Variants in PKHD1 observed in about 807,000 individuals in gnomAD.
PKHD1 encodes fibrocystin.
PKHD1 carries 291 observed loss-of-function variants against 412.0 expected under a neutral mutation model. That is an observed-to-expected ratio of 0.71 (90% CI 0.64 to 0.78). The LOEUF is 0.78. PKHD1 is among the 30% of genes least tolerant of loss of function. The pLI is 0.00. For missense variants in PKHD1, 4,825 were observed against 4,950.7 expected (o/e 0.97, Z 0.76); for synonymous variants, 1,777 against 1,821.5 (o/e 0.98, Z 0.62).
At chr6:51,692,261 T>TCACACACACACACA (rs3061680) in intron 60 of PKHD1, among the ~76,000 whole-genome samples, 2,386 of 147,486 alleles carry the variant, frequency 0.016, 30 homozygotes, top group Middle Eastern at 0.031. Flanking sequence ...ATCACATAAT[T>TCACACACACACACA]CACACACACA....
rs556890589 is a variant in PKHD1, at chr6:51,757,917, G to A, written c.8643-2979C>T. Among the ~76,000 whole-genome samples, 94 of 151,862 alleles carry A rather than the reference G, an allele frequency of 6.2e-4. 1 individual carries two copies. In the South Asian group the frequency reaches 0.019, roughly 31 times the overall value. ...TCCCAGCTACTTGGGAGGCTGAGGT[G>A]GGAGGATGGCTTAGGCCCCTGAGGT... On this transcript the variant is annotated intron_variant, in intron 55 of 66. Transcript: ENST00000371117.
chr6:51,802,549 C>T (rs1343349961), intron 52 of PKHD1, among the ~76,000 whole-genome samples: 1 of 151,470 alleles, frequency 6.6e-6, no homozygotes, highest in African/African-American at 2.4e-5. Context: ...CCAAACTAAG[C>T]GCCAAACTTA....
rs35774390 is a variant in PKHD1, at chr6:51,796,817, A to ATTTTT, written c.8303-5449_8303-5445dup. On this transcript the variant is annotated intron_variant, in intron 52 of 66. Coordinates refer to ENST00000371117, the MANE Select transcript of PKHD1 (RefSeq NM_138694.4). ...CATGGTGTTGTGTGGTTTTGAATAGATTTTTTTTTTTTTTTGGAGACAGAG... is the reference window on the plus strand; with the variant it reads ...CATGGTGTTGTGTGGTTTTGAATAGATTTTTTTTTTTTTTTTTTTTGGAGACAGAG... Among the ~76,000 whole-genome samples the ATTTTT allele has an allele frequency of 1.2e-3, 168 of 136,856 alleles. 1 individual carries two copies. Among genetic ancestry groups the ATTTTT allele is most frequent in the African/African-American group, 4.5e-3 (164 of 36,422 alleles). 89.8% of individuals were successfully genotyped at this position (136,856 alleles called of 152,430 possible).
chr6:51,651,851 C>T (rs1771030128), intron 61 of PKHD1, among the ~76,000 whole-genome samples: 2 of 152,126 alleles, frequency 1.3e-5, no homozygotes, highest in Admixed American at 6.6e-5. Flanking sequence ...ATTCCAGTGT[C>T]CGTTGCTGTG....
chr6:52,057,072 A>T (rs993560549), intron 16 of PKHD1, 93 bp from the exon 17 acceptor site: 1 of 819,662 alleles, frequency 1.2e-6, no homozygotes, highest in East Asian at 2.6e-5. Context: ...TCAACTTGCT[A>T]TTTCCTTTTT....
chr6:52,043,502 C>T, intron 26 of PKHD1, 123 bp downstream of exon 26: 1 of 751,226 alleles, frequency 1.3e-6, no homozygotes, highest in Non-Finnish European at 2.4e-6. Context: ...TGCTACGTCA[C>T]TCAACCTCTG....
At chr6:51,712,154 C>T (rs1040760011) in intron 60 of PKHD1, among the ~76,000 whole-genome samples, 5 of 152,212 alleles carry the variant, frequency 3.3e-5, no homozygotes, top group Admixed American at 6.5e-5. Flanking sequence ...CCTTTCCTTG[C>T]AACATCTGCT....
At chr6:52,083,110 A>G in intron 3 of PKHD1, 68 bp downstream of exon 3, 2 of 1,082,176 alleles carry the variant, frequency 1.8e-6, no homozygotes, top group Non-Finnish European at 2.9e-6. Flanking sequence ...AGAAAACCAA[A>G]GACTCATAGT....
At chr6:51,895,992 T>C (rs1779880359) in intron 43 of PKHD1, among the ~76,000 whole-genome samples, 2 of 152,062 alleles carry the variant, frequency 1.3e-5, no homozygotes, top group Non-Finnish European at 2.9e-5. Context: ...CAAGATTATA[T>C]CCCGCACCTG....
intron 60 of PKHD1, chr6:51,721,156 GAGTT>G: frequency 1.1e-6 from 1 of 950,600 alleles, no homozygotes; most frequent in Non-Finnish European, 1.3e-6. Context: ...GGGCACATGG[GAGTT>G]ATTTATATCC....
At chr6:52,036,504 A>G (rs754828612) in intron 27 of PKHD1, among the ~76,000 whole-genome samples, 2 of 152,176 alleles carry the variant, frequency 1.3e-5, no homozygotes, top group African/African-American at 2.4e-5. Flanking sequence ...GATACAAGAG[A>G]GGCAGTGAGG....
chr6:51,776,606 T>A (rs1791066348), intron 53 of PKHD1, among the ~76,000 whole-genome samples: 1 of 152,042 alleles, frequency 6.6e-6, no homozygotes, highest in South Asian at 2.1e-4. Flanking sequence ...TCAGTATAAT[T>A]ATTATCCCAG....
At chr6:51,769,432 T>C (rs1359327385) in intron 55 of PKHD1, among the ~76,000 whole-genome samples, 3 of 151,304 alleles carry the variant, frequency 2.0e-5, no homozygotes, top group Admixed American at 6.6e-5. Context: ...AATGTTAAAG[T>C]TGCACTATAT....
At chr6:51,731,015 G>A (rs1783171657) in intron 60 of PKHD1, among the ~76,000 whole-genome samples, 1 of 152,250 alleles carries the variant, frequency 6.6e-6, no homozygotes, top group East Asian at 1.9e-4. Flanking sequence ...TGACCTCTCA[G>A]GCTCAGGTGA....
Position 52,082,390 on chromosome 6 carries a change from A to C in PKHD1, c.281+2T>G. 1 of 1,614,080 alleles carries C rather than the reference A, an allele frequency of 6.2e-7. No individual in the cohort carries two copies. Among genetic ancestry groups the C allele is most frequent in the Non-Finnish European group, 8.5e-7 (1 of 1,179,912 alleles). On this transcript the variant is annotated splice_donor_variant, in intron 4 of 66. Transcript: ENST00000371117. LOFTEE classifies it high-confidence loss of function. ...GGTCTTCCTATTCCCAGACAGGTATACCTGGTCCGGCATGTCACCACAGGC... is the reference window on the plus strand; with the variant it reads ...GGTCTTCCTATTCCCAGACAGGTATCCCTGGTCCGGCATGTCACCACAGGC...
intron 35 of PKHD1, among the ~76,000 whole-genome samples, chr6:51,964,194 C>T (rs1200747154): frequency 6.6e-6 from 1 of 152,114 alleles, no homozygotes; most frequent in Non-Finnish European, 1.5e-5. Context: ...CTTAAATGTA[C>T]TTGCAACACC....
chr6:52,082,581 G>C, intron 3 of PKHD1, 39 bp from the exon 4 acceptor site: 1 of 1,605,142 alleles, frequency 6.2e-7, no homozygotes, highest in Non-Finnish European at 8.5e-7. Flanking sequence ...GCATAGAATT[G>C]TCATTGACAC....
At chr6:51,679,089 G>A (rs2150552181) in intron 60 of PKHD1, among the ~76,000 whole-genome samples, 1 of 152,140 alleles carries the variant, frequency 6.6e-6, no homozygotes, top group East Asian at 1.9e-4. Flanking sequence ...ATTTGAATGG[G>A]AAGCCCCGGA....
rs767122237 is a variant in PKHD1 at position 52,055,702 on chromosome 6, T to A, written c.1721A>T (p.Asp574Val). The A allele has an allele frequency of 2.7e-5, 43 of 1,613,676 alleles. No individual in the cohort carries two copies. The highest frequency in any genetic ancestry group is 3.5e-5 in the Non-Finnish European group (41 of 1,179,800). The change falls in exon 19 of 67, where the codon GAC becomes GTC. Residue 574 changes from aspartate (D) to valine (V), a missense_variant. Asp to Val is a radical substitution (Grantham distance 152). Coordinates refer to ENST00000371117, the MANE Select transcript of PKHD1 (RefSeq NM_138694.4). ...GAAGGGCTCCGTCCCACTGGTGAGGTCCCCATCAGAGTTGGAAACTTCTGG... is the reference window on the plus strand; with the variant it reads ...GAAGGGCTCCGTCCCACTGGTGAGGACCCCATCAGAGTTGGAAACTTCTGG... ...RGPEVSNSDG[D>V]LTSGTEPFCG...
Sources: gnomAD v4.1 joint callset for allele counts (sites outside exome capture counted in the v4.1 genomes callset) on GRCh38, gnomAD v4.1.1 for gene constraint, MANE v1.5 for transcripts, NCBI Gene and HGNC (gene_info 2026-07-23, HGNC 2026-07-21) for gene names.